Variants in SHROOM3 observed in about 807,000 individuals in gnomAD.
The protein encoded by SHROOM3 is protein Shroom3.
Under a neutral mutation model 138.6 loss-of-function variants are expected in SHROOM3, and 47 were observed. That is an observed-to-expected ratio of 0.34 (90% CI 0.27 to 0.43). The LOEUF (loss-of-function observed/expected upper bound fraction) is 0.43, where lower values mean the gene tolerates loss of function less well. Among genes scored for constraint, SHROOM3 ranks in the 20% least tolerant of loss-of-function variants. The pLI is 1.00. For missense variants in SHROOM3, 2,491 were observed against 2,596.5 expected (o/e 0.96, Z 0.88); for synonymous variants, 1,062 against 1,063.3 (o/e 1.00, Z 0.02).
chr4:76,753,068 T>C (rs897219126), intron 6 of SHROOM3, among the ~76,000 whole-genome samples: 5 of 152,038 alleles, frequency 3.3e-5, no homozygotes, highest in African/African-American at 1.2e-4. Flanking sequence ...GATGCCAGGA[T>C]GGATGAGACA....
At chr4:76,633,971 G>GAA (rs1325158884) in intron 2 of SHROOM3, among the ~76,000 whole-genome samples, 2 of 152,144 alleles carry the variant, frequency 1.3e-5, no homozygotes, top group African/African-American at 4.8e-5. Flanking sequence ...CATTGAGCTA[G>GAA]AATGGAAAAT....
chr4:76,644,370 C>G (rs1735762587), intron 2 of SHROOM3: 1 of 151,700 alleles, frequency 6.6e-6, no homozygotes, highest in African/African-American at 2.4e-5. Flanking sequence ...CTGCCTCAGC[C>G]TCCCGAGTAG....
intron 3 of SHROOM3, among the ~76,000 whole-genome samples, chr4:76,720,149 AG>A (rs1666717110): frequency 1.0e-5 from 1 of 100,264 alleles, no homozygotes; most frequent in South Asian, 3.6e-4. Context: ...AGTGTTTTTT[AG>A]GTTTTTTTTT....
chr4:76,436,455 C>G (rs1730566363), intron 1 of SHROOM3, among the ~76,000 whole-genome samples: 1 of 152,144 alleles, frequency 6.6e-6, no homozygotes, highest in African/African-American at 2.4e-5. Flanking sequence ...ATAATCTTCT[C>G]TTTTTGTGAA....
rs760580022 is a variant in SHROOM3, at chr4:76,741,170, G to A, written c.2997G>A (p.Val999=). ...CTGAGGGCGACCTGGCCAGGCCCGTGCCCCCTGCCGCCCGGAGAGGTGCTC... is the reference window on the plus strand; with the variant it reads ...CTGAGGGCGACCTGGCCAGGCCCGTACCCCCTGCCGCCCGGAGAGGTGCTC... ...TPAEGDLARP[V]PPAARRGARR... is the part of the protein sequence containing the mutation. The change falls in exon 5 of 11, where the codon GTG becomes GTA. Residue 999 remains valine (V), a synonymous_variant. Transcript: ENST00000296043. The surrounding 1 kb of genome is among the most constrained non-coding windows in gnomAD (Gnocchi z 6.2). The A allele has an allele frequency of 5.0e-6, 8 of 1,584,678 alleles. No homozygotes were observed. In the East Asian group the frequency reaches 1.9e-4, roughly 37 times the overall value.
intron 1 of SHROOM3, among the ~76,000 whole-genome samples, chr4:76,472,678 T>A (rs1036645724): frequency 1.4e-5 from 2 of 146,182 alleles, no homozygotes; most frequent in Admixed American, 7.2e-5. Flanking sequence ...TGAATAAACC[T>A]TGGGGAATGT....
At chr4:76,570,390 G>GA (rs1034458004) in intron 2 of SHROOM3, among the ~76,000 whole-genome samples, 1 of 152,120 alleles carries the variant, frequency 6.6e-6, no homozygotes, top group Non-Finnish European at 1.5e-5. Flanking sequence ...GAACTCCTGA[G>GA]AAAATGCAAC....
At chr4:76,667,560 C>T (rs1700870326) in intron 2 of SHROOM3, among the ~76,000 whole-genome samples, 1 of 152,128 alleles carries the variant, frequency 6.6e-6, no homozygotes, top group Admixed American at 6.5e-5. Context: ...GCAATCCTTC[C>T]TCCTCAGCCT....
chr4:76,457,743 G>A (rs1731058039), intron 1 of SHROOM3, among the ~76,000 whole-genome samples: 1 of 151,298 alleles, frequency 6.6e-6, no homozygotes, highest in African/African-American at 2.4e-5. Flanking sequence ...GCCCGCCTTG[G>A]CCTCCCAAAG....
intron 3 of SHROOM3, among the ~76,000 whole-genome samples, chr4:76,728,823 C>T (rs964065092): frequency 1.3e-5 from 2 of 152,104 alleles, no homozygotes; most frequent in Non-Finnish European, 2.9e-5. Flanking sequence ...AGGCTGTGAC[C>T]ATGGTAAGTC....
intron 2 of SHROOM3, among the ~76,000 whole-genome samples, chr4:76,589,300 T>C (rs2110047855): frequency 6.6e-6 from 1 of 152,206 alleles, no homozygotes; most frequent in Middle Eastern, 3.4e-3. Flanking sequence ...AAACCCTGTC[T>C]CTACTAAAAA....
At chr4:76,677,649 C>G (rs1312223909) in intron 2 of SHROOM3, among the ~76,000 whole-genome samples, 1 of 152,214 alleles carries the variant, frequency 6.6e-6, no homozygotes, top group African/African-American at 2.4e-5. Flanking sequence ...AGCCAAGAGC[C>G]TGCTAGAATC....
chr4:76,497,756 G>A (rs2109997366), intron 1 of SHROOM3, among the ~76,000 whole-genome samples: 1 of 152,356 alleles, frequency 6.6e-6, no homozygotes, highest in Non-Finnish European at 1.5e-5. Flanking sequence ...TACTTGGGAA[G>A]CTGAGGCAGG....
rs143292499 is a variant in SHROOM3 at position 76,445,418 on chromosome 4, A to G, written c.168+9198A>G. ...ACCCAATACGATATGTTCCAGAGTGATAGTGTCTGTGAGGTAGAGGTATGC... is the reference window on the plus strand; with the variant it reads ...ACCCAATACGATATGTTCCAGAGTGGTAGTGTCTGTGAGGTAGAGGTATGC... On this transcript the variant is annotated intron_variant, in intron 1 of 10. Coordinates refer to ENST00000296043, the MANE Select transcript of SHROOM3 (RefSeq NM_020859.4). 8.2e-3 allele frequency among the ~76,000 whole-genome samples: 1,252 copies of G among 152,308 alleles called. 7 individuals are homozygous for G. The highest frequency in any genetic ancestry group is 0.012 in the South Asian group (58 of 4,830).
At chr4:76,511,124 G>A (rs1469158988) in intron 1 of SHROOM3, among the ~76,000 whole-genome samples, 1 of 151,988 alleles carries the variant, frequency 6.6e-6, no homozygotes, top group African/African-American at 2.4e-5. Context: ...GGAGGTTGCA[G>A]TGAGCCAAGA....
At chr4:76,445,411 C>T (rs1730785053) in intron 1 of SHROOM3, among the ~76,000 whole-genome samples, 1 of 151,982 alleles carries the variant, frequency 6.6e-6, no homozygotes, top group Admixed American at 6.6e-5. Context: ...CGATATGTTC[C>T]AGAGTGATAG....
chr4:76,615,123 C>T (rs1734845180), intron 2 of SHROOM3, among the ~76,000 whole-genome samples: 1 of 152,214 alleles, frequency 6.6e-6, no homozygotes, highest in South Asian at 2.1e-4. Context: ...AGCATGAACA[C>T]AGGAGGCACA....
intron 8 of SHROOM3, chr4:76,758,579 T>C (rs1721894861): frequency 6.6e-6 from 1 of 152,018 alleles, no homozygotes; most frequent in Non-Finnish European, 1.5e-5. Context: ...CCATTTGTAA[T>C]GCGGTGGACA....
chr4:76,470,092 CA>C (rs1323846570), intron 1 of SHROOM3, among the ~76,000 whole-genome samples: 1 of 152,134 alleles, frequency 6.6e-6, no homozygotes, highest in African/African-American at 2.4e-5. Context: ...TGCATTAACT[CA>C]CTGATTTCTT....
Sources: allele counts gnomAD v4.1 joint callset (sites outside exome capture counted in the v4.1 genomes callset), GRCh38; gene constraint gnomAD v4.1.1; non-coding constraint Gnocchi (gnomAD v3.1); transcripts MANE v1.5; gene names NCBI Gene and HGNC (gene_info 2026-07-23, HGNC 2026-07-21).